PPRC1: variants seen among roughly 807,000 people sequenced by gnomAD.
PPRC1 encodes peroxisome proliferator-activated receptor gamma coactivator-related protein 1.
Under a neutral mutation model 132.5 loss-of-function variants are expected in PPRC1, and 23 were observed. The observed-to-expected ratio is 0.17, with a 90% confidence interval of 0.12 to 0.25. The LOEUF (loss-of-function observed/expected upper bound fraction) is 0.25. Ranked by LOEUF, PPRC1 falls within the 10% of genes least tolerant of loss-of-function variation. The probability of loss-of-function intolerance (pLI) is 1.00; values close to 1 mark genes in which losing one functional copy is unlikely to be tolerated. For synonymous variants in PPRC1, 872 were observed against 833.5 expected, an observed-to-expected ratio of 1.05 and a Z score of -0.80; for missense variants, 2,006 against 2,089.1, an observed-to-expected ratio of 0.96 and a Z score of 0.78.
chr10:102,127,536 A>C, the PPRC1 span, among the ~76,000 whole-genome samples: 1 of 151,910 alleles, frequency 6.6e-6, no homozygotes, highest in Non-Finnish European at 1.5e-5. Context: ...CCTCCCGAGT[A>C]GCTGGGATTA....
the PPRC1 span, among the ~76,000 whole-genome samples, chr10:102,127,082 A>T: frequency 2.7e-4 from 35 of 131,712 alleles, no homozygotes; most frequent in African/African-American, 7.8e-4. Context: ...TTAAAAAAAA[A>T]TTGAGACAGA....
rs766485237 is a variant in PPRC1 at position 102,141,038 on chromosome 10, A to G, written c.2530A>G (p.Thr844Ala). The G allele has an allele frequency of 6.2e-7, 1 of 1,614,056 alleles. No homozygotes were observed. Among genetic ancestry groups the G allele is most frequent in the Non-Finnish European group, 8.5e-7 (1 of 1,180,004 alleles). Reference sequence around the variant, plus strand: ...AAGCAAACCTGTGGCCTCATCTCCCACTGAGCAGGTGCCATCCCAGGAGAT... The same window carrying G: ...AAGCAAACCTGTGGCCTCATCTCCCGCTGAGCAGGTGCCATCCCAGGAGAT... ...PVSKPVASSPTEQVPSQEMPL... is the reference protein window; with the variant it reads ...PVSKPVASSPAEQVPSQEMPL... Residue 844 changes from threonine to alanine, a missense_variant, in exon 5 of 14, where the codon ACT becomes GCT. Transcript: ENST00000278070.
In PPRC1 at chr10:102,139,539, T is replaced by C. The variant is rs1365928613; in HGVS notation, c.1031T>C (p.Val344Ala). Reference protein sequence around the residue: ...PDDLTLPEGCVVLEIVGQAAT... With the variant: ...PDDLTLPEGCAVLEIVGQAAT... ...GATTTGACACTGCCTGAGGGCTGCG[T>C]AGTGCTGGAGATTGTGGGGCAGGCA... The change falls in exon 5 of 14, where the codon GTA becomes GCA. Residue 344 changes from valine to alanine, a missense_variant. Val to Ala is a moderately conservative substitution (Grantham distance 64). Transcript: ENST00000278070. The C allele has an allele frequency of 6.2e-7, 1 of 1,613,826 alleles. No homozygotes were observed. The highest frequency in any genetic ancestry group is 1.3e-5 in the African/African-American group (1 of 74,916).
rs2068859906 is a variant in PPRC1 at position 102,139,520 on chromosome 10, A to G, written c.1012A>G (p.Thr338Ala). ...DELQEQPDDLTLPEGCVVLEI... is the reference protein window; with the variant it reads ...DELQEQPDDLALPEGCVVLEI... ...GCTTCAGGAGCAGCCAGATGATTTG[A>G]CACTGCCTGAGGGCTGCGTAGTGCT... Residue 338 changes from threonine to alanine, a missense_variant, in exon 5 of 14, where the codon ACA becomes GCA. Coordinates refer to ENST00000278070, the MANE Select transcript of PPRC1 (RefSeq NM_015062.5). The G allele has an allele frequency of 6.2e-7, 1 of 1,613,818 alleles. No individual in the cohort carries two copies.
At chr10:102,133,246 G>C in intron 1 of PPRC1, 25 bp downstream of exon 1, 1 of 1,270,588 alleles carries the variant, frequency 7.9e-7, no homozygotes, top group Non-Finnish European at 1.0e-6. Flanking sequence ...GGCGGCCCGC[G>C]ACAGGCAGCA....
In PPRC1 at chr10:102,141,529, T is replaced by G; in HGVS notation, c.3021T>G (p.Ile1007Met). The change falls in exon 5 of 14, where the codon ATT (isoleucine) becomes ATG (methionine). Residue 1007 changes from isoleucine (I) to methionine (M), a missense_variant. By Grantham distance (10) the Ile-to-Met change is conservative (BLOSUM62 1). Around this residue, in one of 2 missense-constraint regions of PPRC1, gnomAD observed 1,914 missense variants for 1,917.2 expected, o/e 1.00. Coordinates refer to ENST00000278070, the MANE Select transcript of PPRC1 (RefSeq NM_015062.5). ...VPPPPLPPAS[I>M]GRAVPQPKME... Reference sequence around the variant, plus strand: ...CACCTCCTTTGCCTCCAGCCTCCATTGGGAGAGCTGTTCCCCAACCTAAAA... The same window carrying G: ...CACCTCCTTTGCCTCCAGCCTCCATGGGGAGAGCTGTTCCCCAACCTAAAA... 1.2e-6 allele frequency: 2 copies of G among 1,614,018 alleles called. No homozygotes were observed. The highest frequency in any genetic ancestry group is 1.1e-5 in the South Asian group (1 of 91,078).
rs760422803 is a variant in PPRC1, at chr10:102,140,481, C to T, written c.1973C>T (p.Ala658Val). The part of the protein sequence containing the change: ...PISDNLPPVD[A>V]VPSGPAPVDL... ...TCAGATAACTTGCCACCAGTTGATG[C>T]TGTCCCGTCTGGCCCAGCACCAGTT... The change falls in exon 5 of 14, where the codon GCT (alanine) becomes GTT (valine). Residue 658 changes from alanine to valine, a missense_variant. Physicochemically the swap from Ala to Val is moderately conservative, Grantham distance 64. Coordinates refer to ENST00000278070, the MANE Select transcript of PPRC1 (RefSeq NM_015062.5). 13 of 1,614,198 alleles carry T rather than the reference C, an allele frequency of 8.1e-6. No homozygotes were observed. Among genetic ancestry groups the T allele is most frequent in the Non-Finnish European group, 1.1e-5 (13 of 1,180,024 alleles).
chr10:102,145,037 A>G lies in PPRC1; in HGVS notation c.3626A>G (p.Gln1209Arg), dbSNP rs756230353. The G allele has an allele frequency of 1.2e-5, 19 of 1,610,180 alleles. No individual in the cohort carries two copies. The highest frequency in any genetic ancestry group is 1.4e-5 in the Non-Finnish European group (17 of 1,178,314). The change falls in exon 8 of 14, where the codon CAG becomes CGG. Residue 1209 changes from glutamine (Q) to arginine (R), a missense_variant. Around this residue, in one of 2 missense-constraint regions of PPRC1, gnomAD observed 1,914 missense variants for 1,917.2 expected, o/e 1.00. Coordinates refer to ENST00000278070, the MANE Select transcript of PPRC1 (RefSeq NM_015062.5). The part of the protein sequence containing the change: ...VGNSGGVDIP[Q>R]EKRPLDRLQA... ...CCCGCCAGCGGCGTTGACATTCCCCAGGAGAAGAGGCCCCTAGACCGGTTA... is the reference window on the plus strand; with the variant it reads ...CCCGCCAGCGGCGTTGACATTCCCCGGGAGAAGAGGCCCCTAGACCGGTTA...
chr10:102,134,214 C>T (rs2068636983), intron 1 of PPRC1, among the ~76,000 whole-genome samples: 1 of 152,090 alleles, frequency 6.6e-6, no homozygotes, highest in African/African-American at 2.4e-5. Flanking sequence ...CCTCCAGCAT[C>T]TCTTTTGGGA....
chr10:102,138,485 G>A, intron 2 of PPRC1, 134 bp from the exon 3 acceptor site: 1 of 1,077,012 alleles, frequency 9.3e-7, no homozygotes, highest in Non-Finnish European at 1.3e-6. Context: ...ATGCCTTCTG[G>A]TATTCAGATC....
intron 8 of PPRC1, 96 bp downstream of exon 8, chr10:102,145,186 T>G: frequency 1.7e-6 from 2 of 1,185,044 alleles, no homozygotes; most frequent in Non-Finnish European, 2.4e-6. Context: ...GTTAAGGACA[T>G]AGAGATCTGA....
At position 102,138,778 on chromosome 10, in the gene PPRC1, C is replaced by A. The variant is rs762497344; in HGVS notation, c.489+13C>A. On this transcript the variant is annotated intron_variant, in intron 3 of 13. Transcript: ENST00000278070. ...GGAGGGCTCCTCTGTGAGTGTGGGACCAGGGGAAGGGGATTAGTACAAAGT... is the reference window on the plus strand; with the variant it reads ...GGAGGGCTCCTCTGTGAGTGTGGGAACAGGGGAAGGGGATTAGTACAAAGT... The A allele has an allele frequency of 1.9e-6, 3 of 1,613,824 alleles. No individual in the cohort carries two copies. The highest frequency in any genetic ancestry group is 2.2e-5 in the South Asian group (2 of 91,056).
In PPRC1 at chr10:102,139,999, A is replaced by C; in HGVS notation, c.1491A>C (p.Val497=). ...TAGGTACAGAAGTGACCTCTCAGGT[A>C]GACAACTTGCAGAAACAGCCTCAGG... The part of the protein sequence containing the change: ...STVGTEVTSQ[V]DNLQKQPQEE... The change falls in exon 5 of 14, where the codon GTA becomes GTC. Residue 497 remains valine (V), a synonymous_variant. Transcript: ENST00000278070. 6.2e-7 allele frequency: 1 copy of C among 1,614,242 alleles called. No individual in the cohort carries two copies.
chr10:102,146,552 T>A, intron 8 of PPRC1, 120 bp from the exon 9 acceptor site: 1 of 1,402,910 alleles, frequency 7.1e-7, no homozygotes, highest in East Asian at 2.3e-5. Flanking sequence ...GTTGGGCTGC[T>A]TACCTTGCTT....
At chr10:102,120,049 G>A in the PPRC1 span, 59 of 1,414,146 alleles carry the variant, frequency 4.2e-5, no homozygotes, top group African/African-American at 7.4e-5. Flanking sequence ...GGGACGGCTG[G>A]GCAGGAAGGG....
chr10:102,127,384 A>G, the PPRC1 span, among the ~76,000 whole-genome samples: 1 of 147,738 alleles, frequency 6.8e-6, no homozygotes, highest in Non-Finnish European at 1.5e-5. Context: ...AAAAAAATAA[A>G]TAAAATAAAA....
rs746418304 is a variant in PPRC1, at chr10:102,141,677, G to A, written c.3169G>A (p.Val1057Ile). ...TCAGACAGAGCCTACCAAGGTGGAG[G>A]TCAAGCCAGTGCCTGCATCTCCCCA... is the stretch of plus-strand genomic sequence containing the variant. The part of the protein sequence containing the change: ...APQTEPTKVE[V>I]KPVPASPHPK... The change falls in exon 5 of 14, where the codon GTC becomes ATC. Residue 1057 changes from valine to isoleucine, a missense_variant. Coordinates refer to ENST00000278070, the MANE Select transcript of PPRC1 (RefSeq NM_015062.5). The A allele has an allele frequency of 3.7e-6, 6 of 1,613,996 alleles. No homozygotes were observed. The East Asian group carries it at 1.3e-4, about 36-fold the overall frequency.
At chr10:102,120,189 C>A in the PPRC1 span, 1 of 1,096,256 alleles carries the variant, frequency 9.1e-7, no homozygotes. Flanking sequence ...CATGAGCCGC[C>A]GCCGCCGCCC....
Position 102,138,895 on chromosome 10 carries a change from C to G in PPRC1, c.506C>G (p.Thr169Ser), listed in dbSNP as rs781710563. The G allele has an allele frequency of 1.9e-6, 3 of 1,614,018 alleles. No homozygotes were observed. Among genetic ancestry groups the G allele is most frequent in the Non-Finnish European group, 2.5e-6 (3 of 1,179,890 alleles). ...REGSSLHKLL[T>S]LSRTPPERDL... ...CCCTCTTAGCTGCACAAGCTGCTTA[C>G]TCTCTCTCGGACACCCCCAGAACGT... The change falls in exon 4 of 14, where the codon ACT becomes AGT. Residue 169 changes from threonine (T) to serine (S), a missense_variant. This residue lies in a region of PPRC1 where 1,914 missense variants were observed against 1,917.2 expected (regional missense o/e 1.00). Coordinates refer to ENST00000278070, the MANE Select transcript of PPRC1 (RefSeq NM_015062.5).
Sources: allele counts gnomAD v4.1 joint callset (sites outside exome capture counted in the v4.1 genomes callset), GRCh38; gene constraint gnomAD v4.1.1; regional missense constraint gnomAD v4.1.1; transcripts MANE v1.5; gene names NCBI Gene and HGNC (gene_info 2026-07-23, HGNC 2026-07-21).